The following ULK4 variants were observed in gnomAD, a reference collection of about 807,000 sequenced individuals.
The protein encoded by ULK4 is inactive serine/threonine-protein kinase ULK4.
A neutral mutation model predicts 160.6 loss-of-function variants in ULK4; 133 were observed. That is an observed-to-expected ratio of 0.83 (90% CI 0.72 to 0.96). The LOEUF is 0.96. Ranked by LOEUF, ULK4 falls within the 40% of genes least tolerant of loss-of-function variation. ULK4 has a pLI of 0.00. For synonymous variants in ULK4, 534 were observed against 539.8 expected (o/e 0.99, Z 0.15); for missense variants, 1,580 against 1,499.5 (o/e 1.05, Z -0.89).
intron 35 of ULK4, among the ~76,000 whole-genome samples, chr3:41,366,992 C>T (rs1031236253): frequency 6.6e-6 from 1 of 152,168 alleles, no homozygotes. Context: ...TTATTCAATC[C>T]CTCTACTGGG....
intron 35 of ULK4, among the ~76,000 whole-genome samples, chr3:41,350,097 G>A (rs1302160331): frequency 1.3e-5 from 2 of 152,064 alleles, no homozygotes; most frequent in East Asian, 3.8e-4. Context: ...CATATTTTAT[G>A]TAAACTTGCT....
chr3:41,700,707 G>A (rs1458019313), intron 27 of ULK4, among the ~76,000 whole-genome samples: 2 of 152,156 alleles, frequency 1.3e-5, no homozygotes, highest in African/African-American at 4.8e-5. Context: ...AAGAAAACAG[G>A]AAGATTTGGG....
At chr3:41,748,411 T>C (rs1252733839) in intron 22 of ULK4, among the ~76,000 whole-genome samples, 1 of 152,074 alleles carries the variant, frequency 6.6e-6, no homozygotes, top group African/African-American at 2.4e-5. Flanking sequence ...TAATGGGATT[T>C]TGGTCAGTAA....
In ULK4 at chr3:41,356,469, C is replaced by T. The variant is rs188824150; in HGVS notation, c.3678+41610G>A. 1.9e-4 allele frequency among the ~76,000 whole-genome samples: 29 copies of T among 152,286 alleles called. 1 individual carries two copies. Among genetic ancestry groups the T allele is most frequent in the African/African-American group, 6.5e-4 (27 of 41,566 alleles). ...GATATGGTGGCATCCCAAATCACAG[C>T]ATCAGGAACCATATCCTTACTACTT... is the stretch of plus-strand genomic sequence containing the variant. On this transcript the variant is annotated intron_variant, in intron 35 of 36. Coordinates refer to ENST00000301831, the MANE Select transcript of ULK4 (RefSeq NM_017886.4).
intron 35 of ULK4, among the ~76,000 whole-genome samples, chr3:41,294,902 T>C (rs1181002506): frequency 2.0e-5 from 3 of 152,196 alleles, no homozygotes; most frequent in Admixed American, 1.3e-4. Flanking sequence ...TTCAATGCAA[T>C]TGCAATCAAA....
At chr3:41,841,848 G>A (rs980602351) in intron 17 of ULK4, among the ~76,000 whole-genome samples, 14 of 152,196 alleles carry the variant, frequency 9.2e-5, no homozygotes, top group Non-Finnish European at 1.6e-4. Flanking sequence ...CCCCAACCCC[G>A]TGCTCTCTGA....
At chr3:41,916,704 A>ATTTT (rs34268274) in intron 7 of ULK4, among the ~76,000 whole-genome samples, 1 of 126,870 alleles carries the variant, frequency 7.9e-6, no homozygotes, top group Non-Finnish European at 1.6e-5. Context: ...AGCTCCAACT[A>ATTTT]TTTTTTTTTT....
At chr3:41,258,236 A>G (rs1229479101) in intron 35 of ULK4, 1 of 152,246 alleles carries the variant, frequency 6.6e-6, no homozygotes, top group African/African-American at 2.4e-5. Context: ...GGGTCCACTC[A>G]AAAGTCATCC....
At chr3:41,613,749 A>C (rs2032821660) in intron 31 of ULK4, among the ~76,000 whole-genome samples, 1 of 152,388 alleles carries the variant, frequency 6.6e-6, no homozygotes, top group African/African-American at 2.4e-5. Context: ...CTCCTGCCTC[A>C]TAAAGCAGTG....
chr3:41,841,047 G>T (rs147499045), intron 17 of ULK4, among the ~76,000 whole-genome samples: 7,981 of 140,750 alleles, frequency 0.057, 408 homozygotes, highest in East Asian at 0.17. Flanking sequence ...AGTGAGGAGC[G>T]CCTCTGCCTG....
chr3:41,599,570 T>TTC (rs199748445), intron 31 of ULK4, among the ~76,000 whole-genome samples: 13 of 146,090 alleles, frequency 8.9e-5, no homozygotes, highest in Middle Eastern at 3.4e-3. Flanking sequence ...TTTTTCTTTT[T>TTC]TTTTTTTTTT....
chr3:41,898,375 A>T (rs557596735), intron 14 of ULK4, 57 bp downstream of exon 14: 84 of 1,055,460 alleles, frequency 8.0e-5, no homozygotes, highest in Non-Finnish European at 1.1e-4. Flanking sequence ...AATAAATTTC[A>T]TATTTGTATC....
At chr3:41,688,101 T>C (rs1575571108) in intron 27 of ULK4, 1 of 152,290 alleles carries the variant, frequency 6.6e-6, no homozygotes, top group Admixed American at 6.5e-5. Flanking sequence ...TCTGTCAGAC[T>C]AAATAGGGCT....
At chr3:41,468,398 A>G (rs2083888731) in intron 32 of ULK4, among the ~76,000 whole-genome samples, 1 of 152,186 alleles carries the variant, frequency 6.6e-6, no homozygotes, top group African/African-American at 2.4e-5. Flanking sequence ...CTAATATAAT[A>G]CAGTAGGAAT....
chr3:41,506,767 A>AAAAAAAAAAAAAAAAAAAAAAATAT lies in ULK4; in HGVS notation c.3227-43515_3227-43514insATATTTTTTTTTTTTTTTTTTTTTT. On this transcript the variant is annotated intron_variant, in intron 32 of 36. Coordinates refer to ENST00000301831, the MANE Select transcript of ULK4 (RefSeq NM_017886.4). The stretch of plus-strand genomic sequence containing the variant: ...AGCAATACACTGGAGTGTGATTTAA[A>AAAAAAAAAAAAAAAAAAAAAAATAT]ATATATATATATATATATATATATA... 7.6e-4 allele frequency among the ~76,000 whole-genome samples: 43 copies of AAAAAAAAAAAAAAAAAAAAAAATAT among 56,792 alleles called. 2 individuals are homozygous for AAAAAAAAAAAAAAAAAAAAAAATAT. Among genetic ancestry groups the AAAAAAAAAAAAAAAAAAAAAAATAT allele is most frequent in the Non-Finnish European group, 1.1e-3 (34 of 31,982 alleles). 37.3% of individuals were successfully genotyped at this position (56,792 alleles called of 152,430 possible). A position where few individuals can be genotyped will look rare whatever the true frequency, so the allele number is the denominator to read the frequency against.
At chr3:41,775,183 G>C (rs1418861200) in intron 21 of ULK4, among the ~76,000 whole-genome samples, 1 of 149,784 alleles carries the variant, frequency 6.7e-6, no homozygotes, top group Non-Finnish European at 1.5e-5. Context: ...TAACAAACGT[G>C]CACGTTGTGC....
At chr3:41,854,977 T>C (rs913750829) in intron 17 of ULK4, 3 of 128,600 alleles carry the variant, frequency 2.3e-5, no homozygotes, top group Non-Finnish European at 4.9e-5. Flanking sequence ...AAAAAAAAAC[T>C]ATCGGGATCA....
chr3:41,896,760 A>G, intron 15 of ULK4, 62 bp downstream of exon 15: 2 of 1,482,502 alleles, frequency 1.3e-6, no homozygotes, highest in Non-Finnish European at 1.8e-6. Flanking sequence ...TTATTTTAGC[A>G]CTTGTTTGAG....
intron 35 of ULK4, among the ~76,000 whole-genome samples, chr3:41,383,331 T>C (rs1385357325): frequency 6.6e-6 from 1 of 152,170 alleles, no homozygotes; most frequent in Non-Finnish European, 1.5e-5. Flanking sequence ...ACTCTTGACC[T>C]AAGGTGATCC....
Sources: gnomAD v4.1 joint callset for allele counts (sites outside exome capture counted in the v4.1 genomes callset) on GRCh38, gnomAD v4.1.1 for gene constraint, MANE v1.5 for transcripts, NCBI Gene and HGNC (gene_info 2026-07-23, HGNC 2026-07-21) for gene names.